Variants in MCC observed in about 807,000 individuals in gnomAD.
The protein encoded by MCC is MCC regulator of Wnt signaling pathway.
MCC carries 90 observed loss-of-function variants against 116.2 expected under a neutral mutation model. That is an observed-to-expected ratio of 0.77 (90% CI 0.65 to 0.92). The LOEUF (loss-of-function observed/expected upper bound fraction) is 0.92, where lower values mean the gene tolerates loss of function less well. Ranked by LOEUF, MCC falls within the 40% of genes least tolerant of loss-of-function variation. The pLI is 0.00. For synonymous variants in MCC, 578 were observed against 510.5 expected (o/e 1.13, Z -1.78); for missense variants, 1,516 against 1,312.2 (o/e 1.16, Z -2.40).
intron 3 of MCC, among the ~76,000 whole-genome samples, chr5:113,188,912 T>C (rs1489468972): frequency 6.6e-6 from 1 of 152,202 alleles, no homozygotes; most frequent in South Asian, 2.1e-4. Flanking sequence ...GAAGCCAGTA[T>C]TAGCTAACAT....
intron 1 of MCC, among the ~76,000 whole-genome samples, chr5:113,429,187 G>GA (rs201154616): frequency 0.01 from 1,535 of 152,168 alleles, 28 homozygotes; most frequent in African/African-American, 0.035. Context: ...CTGAAGACAG[G>GA]GTCTTTAGGA....
At chr5:113,322,230 T>C (rs2150371587) in intron 3 of MCC, among the ~76,000 whole-genome samples, 1 of 152,364 alleles carries the variant, frequency 6.6e-6, no homozygotes, top group East Asian at 1.9e-4. Flanking sequence ...CACCTGTGGC[T>C]TCCTTGACTT....
chr5:113,422,932 T>A (rs1341715078), intron 1 of MCC, among the ~76,000 whole-genome samples: 1 of 152,164 alleles, frequency 6.6e-6, no homozygotes, highest in African/African-American at 2.4e-5. Flanking sequence ...CTACAGGAGA[T>A]CCCCATGACT....
intron 2 of MCC, among the ~76,000 whole-genome samples, chr5:113,348,261 C>G (rs1026637463): frequency 7.9e-5 from 12 of 152,090 alleles, no homozygotes; most frequent in African/African-American, 2.7e-4. Context: ...GTAGGATACA[C>G]ATTCTTCTCC....
chr5:113,245,666 GGCTTCTCAGTTTCA>G (rs368799470), intron 3 of MCC, among the ~76,000 whole-genome samples: 274 of 152,210 alleles, frequency 1.8e-3, no homozygotes, highest in African/African-American at 6.3e-3. Context: ...GAGAATATAA[GGCTTCTCAGTTTCA>G]GCTTCTCAGT....
chr5:113,258,221 T>G (rs541184905), intron 3 of MCC, among the ~76,000 whole-genome samples: 92 of 152,334 alleles, frequency 6.0e-4, no homozygotes, highest in Non-Finnish European at 1.0e-3. Flanking sequence ...TTGTATATAA[T>G]AACATTAATA....
At chr5:113,115,089 A>T (rs2150264677) in intron 6 of MCC, among the ~76,000 whole-genome samples, 1 of 152,292 alleles carries the variant, frequency 6.6e-6, no homozygotes, top group African/African-American at 2.4e-5. Flanking sequence ...TTTGGGGGTC[A>T]CAGATCCTCC....
intron 1 of MCC, among the ~76,000 whole-genome samples, chr5:113,391,041 C>A (rs1290125953): frequency 5.3e-5 from 8 of 152,120 alleles, no homozygotes; most frequent in African/African-American, 1.7e-4. Flanking sequence ...TTTCTGTGTA[C>A]AGCTGTTGAA....
chr5:113,231,780 TG>T (rs1561473772), intron 3 of MCC, among the ~76,000 whole-genome samples: 2 of 152,172 alleles, frequency 1.3e-5, no homozygotes, highest in East Asian at 1.9e-4. Flanking sequence ...ACAAATATCA[TG>T]GTTTTGCTGA....
intron 3 of MCC, among the ~76,000 whole-genome samples, chr5:113,190,232 C>T (rs1242318465): frequency 6.6e-6 from 1 of 152,174 alleles, no homozygotes; most frequent in African/African-American, 2.4e-5. Flanking sequence ...CTGTCTTTTG[C>T]TTGTGTTCAC....
At chr5:113,124,320 G>T (rs917487620) in intron 5 of MCC, among the ~76,000 whole-genome samples, 2 of 152,210 alleles carry the variant, frequency 1.3e-5, no homozygotes, top group Non-Finnish European at 2.9e-5. Context: ...GGATGATTGT[G>T]CACTGATAGA....
At chr5:113,426,790 G>C (rs1770497185) in intron 1 of MCC, among the ~76,000 whole-genome samples, 1 of 152,134 alleles carries the variant, frequency 6.6e-6, no homozygotes, top group Non-Finnish European at 1.5e-5. Flanking sequence ...TAATGTGATG[G>C]GGATGGATTT....
chr5:113,191,799 A>T (rs1374775487), intron 3 of MCC, among the ~76,000 whole-genome samples: 2 of 152,198 alleles, frequency 1.3e-5, no homozygotes, highest in African/African-American at 4.8e-5. Context: ...ACCACTCCCC[A>T]TGAAGGCCAA....
intron 3 of MCC, among the ~76,000 whole-genome samples, chr5:113,291,624 C>G (rs914493363): frequency 7.2e-5 from 11 of 152,166 alleles, no homozygotes; most frequent in African/African-American, 2.7e-4. Context: ...AGCATTGAGG[C>G]TCCTGGGCAA....
At chr5:113,393,419 G>C (rs17327964) in intron 1 of MCC, among the ~76,000 whole-genome samples, 21,302 of 152,180 alleles carry the variant, frequency 0.14, 1,796 homozygotes, top group Non-Finnish European at 0.2. Flanking sequence ...GTTTACAGGA[G>C]ATGACCCTTG....
intron 1 of MCC, among the ~76,000 whole-genome samples, chr5:113,406,461 C>A (rs1769836538): frequency 6.6e-6 from 1 of 152,146 alleles, no homozygotes; most frequent in South Asian, 2.1e-4. Flanking sequence ...ATAATTAACT[C>A]CTGCCCGTAT....
At chr5:113,141,809 G>A (rs13168126) in intron 5 of MCC, among the ~76,000 whole-genome samples, 3 of 151,976 alleles carry the variant, frequency 2.0e-5, no homozygotes, top group Admixed American at 2.0e-4. Flanking sequence ...TCTTGAAATT[G>A]AGATTTCTAG....
intron 3 of MCC, among the ~76,000 whole-genome samples, chr5:113,198,381 AT>A (rs1044568144): frequency 3.3e-5 from 5 of 152,150 alleles, no homozygotes; most frequent in Admixed American, 3.3e-4. Context: ...GAACTAAATA[AT>A]ATCTAACCTT....
intron 13 of MCC, among the ~76,000 whole-genome samples, chr5:113,065,896 A>G (rs1753568695): frequency 6.6e-6 from 1 of 152,206 alleles, no homozygotes; most frequent in Non-Finnish European, 1.5e-5. Flanking sequence ...TGCCCTCAGT[A>G]CTATGGAGAG....
Sources: allele counts gnomAD v4.1 joint callset (sites outside exome capture counted in the v4.1 genomes callset), GRCh38; gene constraint gnomAD v4.1.1; transcripts MANE v1.5; gene names NCBI Gene and HGNC (gene_info 2026-07-23, HGNC 2026-07-21).